WDR54: variants seen among roughly 807,000 people sequenced by gnomAD.
WDR54 encodes the protein WD repeat-containing protein 54.
WDR54 carries 44 observed loss-of-function variants against 44.1 expected under a neutral mutation model. The observed-to-expected ratio is 1.00, with a 90% CI of 0.78 to 1.28. The LOEUF is 1.28. WDR54 is among the 50% of genes most tolerant of loss of function. WDR54 has a pLI of 0.00. For synonymous variants in WDR54, 169 were observed against 169.8 expected (o/e 1.00, Z 0.04); for missense variants, 409 against 429.7 (o/e 0.95, Z 0.43).
At chr2:74,423,593 A>C in intron 5 of WDR54, 62 bp downstream of exon 5, 3 of 1,591,684 alleles carry the variant, frequency 1.9e-6, no homozygotes, top group Non-Finnish European at 1.7e-6. Context: ...GGCCAGGAGA[A>C]TAATGAGGGC....
rs934282014 is a variant in WDR54 at position 74,423,793 on chromosome 2, A to T, written c.407-62A>T. ...TTCTGGGATGGAGTAAGTGTTGAGTATGGTGGCTGGAGACCCAGGAGGGTC... is the reference window on the plus strand; with the variant it reads ...TTCTGGGATGGAGTAAGTGTTGAGTTTGGTGGCTGGAGACCCAGGAGGGTC... On this transcript the variant is annotated intron_variant, in intron 5 of 9. Transcript: ENST00000348227. 4 of 1,595,674 alleles carry T rather than the reference A, an allele frequency of 2.5e-6. No homozygotes were observed. The African/African-American group carries it at 5.4e-5, about 21-fold the overall frequency.
At position 74,422,246 on chromosome 2, in the gene WDR54, C is replaced by T; in HGVS notation, c.93C>T (p.Leu31=). The T allele has an allele frequency of 6.2e-7, 1 of 1,614,212 alleles. No individual in the cohort carries two copies. ...TGCTGCAGCTGCCGGCTCGCAACCT[C>T]ACGTATTTTGGCGTGGTTCATGGAC... The part of the protein sequence containing the change: ...LSVLQLPARN[L]TYFGVVHGPS... Residue 31 remains leucine, a synonymous_variant, in exon 2 of 10, where the codon CTC becomes CTT. Transcript: ENST00000348227.
intron 7 of WDR54, 24 bp from the exon 8 acceptor site, chr2:74,425,051 C>T (rs372667511): frequency 1.2e-6 from 2 of 1,612,268 alleles, no homozygotes; most frequent in African/African-American, 2.7e-5. Flanking sequence ...CTGGGCAAAA[C>T]AAAGTTGGGT....
In WDR54 at chr2:74,423,920, G is replaced by A. The variant is rs61739666; in HGVS notation, c.472G>A (p.Glu158Lys). ...PAKGPNIVLSEELAGHQMPIT... is the reference protein window; with the variant it reads ...PAKGPNIVLSKELAGHQMPIT... Reference sequence around the variant, plus strand: ...AAAGGGTCCCAACATTGTACTGAGCGAGGAGCTGGCTGGGCACCAGATGCC... The same window carrying A: ...AAAGGGTCCCAACATTGTACTGAGCAAGGAGCTGGCTGGGCACCAGATGCC... The change falls in exon 6 of 10, where the codon GAG becomes AAG. Residue 158 changes from glutamate (E) to lysine (K), a missense_variant. Glu to Lys is a moderately conservative substitution (Grantham distance 56). Transcript: ENST00000348227. The A allele has an allele frequency of 6.6e-5, 107 of 1,614,142 alleles. No homozygotes were observed. In the African/African-American group the frequency reaches 1.3e-3, roughly 20 times the overall value.
intron 2 of WDR54, 158 bp downstream of exon 2, chr2:74,422,533 G>C (rs550342684): frequency 2.2e-6 from 2 of 904,116 alleles, no homozygotes; most frequent in Admixed American, 2.9e-5. Context: ...GGTGGCTCAC[G>C]CCTGTAATCC....
intron 7 of WDR54, 33 bp from the exon 8 acceptor site, chr2:74,425,042 T>C: frequency 6.2e-7 from 1 of 1,612,784 alleles, no homozygotes; most frequent in Non-Finnish European, 8.5e-7. Flanking sequence ...GGATTTGATC[T>C]GGGCAAAACA....
chr2:74,424,022 C>T, intron 6 of WDR54, 40 bp downstream of exon 6: 1 of 1,611,612 alleles, frequency 6.2e-7, no homozygotes, highest in South Asian at 1.1e-5. Flanking sequence ...GCCTTCCCCA[C>T]CCTGGGAGGC....
intron 6 of WDR54, among the ~76,000 whole-genome samples, 196 bp from the exon 7 acceptor site, chr2:74,424,679 G>A (rs935412416): frequency 6.6e-6 from 1 of 152,208 alleles, no homozygotes; most frequent in Non-Finnish European, 1.5e-5. Flanking sequence ...AGAAATTCAA[G>A]GAAAGCAGTT....
Position 74,425,164 on chromosome 2 carries a change from G to T in WDR54, c.725G>T (p.Gly242Val). ...GQVHLYEATT[G>V]NLHVQINAHA... ...GTGCATCTATATGAGGCCACTACAG[G>T]AAATCTACATGTCCAGATCAATGCC... The change falls in exon 8 of 10, where the codon GGA (glycine) becomes GTA (valine). Residue 242 changes from glycine (G) to valine (V), a missense_variant. Gly to Val is a moderately radical substitution (Grantham distance 109). Transcript: ENST00000348227. The T allele has an allele frequency of 6.4e-7, 1 of 1,551,712 alleles. No individual in the cohort carries two copies. Among genetic ancestry groups the T allele is most frequent in the Non-Finnish European group, 8.7e-7 (1 of 1,145,184 alleles).
intron 8 of WDR54, 81 bp from the exon 9 acceptor site, chr2:74,425,336 C>G (rs1670327216): frequency 2.5e-6 from 4 of 1,589,466 alleles, no homozygotes; most frequent in Non-Finnish European, 3.4e-6. Flanking sequence ...TAGCCCCCTC[C>G]CCTGGGGCAC....
chr2:74,422,142 C>A lies in WDR54; in HGVS notation c.-1-11C>A. ...TAGCGCGCCTGGTGATTCGGCTGCA[C>A]CCCCACACAGGATGTTCCGCTGGGA... On this transcript the variant is annotated splice_polypyrimidine_tract_variant and intron_variant, in intron 1 of 9. Coordinates refer to ENST00000348227, the MANE Select transcript of WDR54 (RefSeq NM_032118.4). 1 of 1,610,772 alleles carries A rather than the reference C, an allele frequency of 6.2e-7. No homozygotes were observed.
chr2:74,421,985 C>T, intron 1 of WDR54, 168 bp from the exon 2 acceptor site: 1 of 673,992 alleles, frequency 1.5e-6, no homozygotes, highest in African/African-American at 1.8e-5. Context: ...AGCCCTGGGA[C>T]TCCCCTGTCT....
In WDR54 at chr2:74,425,123, C is replaced by CCCTGTATGTCCTG; in HGVS notation, c.684_685insCCTGTATGTCCTG (p.Tyr229ProfsTer14). ...TGTGGCAGGGGATCATAGCAGCAGG[C>CCCTGTATGTCCTG]TATGGGAACGGACAAGTGCATCTAT... On this transcript the variant is annotated frameshift_variant, in exon 8 of 10. Coordinates refer to ENST00000348227, the MANE Select transcript of WDR54 (RefSeq NM_032118.4). LOFTEE classifies it high-confidence loss of function. The CCCTGTATGTCCTG allele has an allele frequency of 6.3e-7, 1 of 1,576,558 alleles. No homozygotes were observed. Among genetic ancestry groups the CCCTGTATGTCCTG allele is most frequent in the Non-Finnish European group, 8.6e-7 (1 of 1,157,410 alleles).
In WDR54 at chr2:74,422,937, G is replaced by T. The variant is rs1259138579; in HGVS notation, c.285+5G>T. On this transcript the variant is annotated splice_donor_5th_base_variant and intron_variant, in intron 3 of 9. Coordinates refer to ENST00000348227, the MANE Select transcript of WDR54 (RefSeq NM_032118.4). ...ACCTCACATCGAGGAATACAGGTAA[G>T]AAGAGGACTCTCCTGCTTGCCCCAC... The T allele has an allele frequency of 1.9e-6, 3 of 1,614,098 alleles. No homozygotes were observed. In the South Asian group the frequency reaches 3.3e-5, roughly 18 times the overall value.
At chr2:74,422,615 C>T in intron 2 of WDR54, 1 of 612,554 alleles carries the variant, frequency 1.6e-6, no homozygotes, top group Non-Finnish European at 2.8e-6. Context: ...CATGGTGAAA[C>T]CTCTTCTCTA....
intron 1 of WDR54, 120 bp downstream of exon 1, chr2:74,421,936 C>T (rs1220278463): frequency 8.7e-5 from 54 of 618,342 alleles, no homozygotes; most frequent in South Asian, 5.8e-4. Context: ...CCTGTGTCAT[C>T]CCCATTCCTC....
At chr2:74,421,872 C>CT in intron 1 of WDR54, 56 bp downstream of exon 1, 1 of 629,070 alleles carries the variant, frequency 1.6e-6, no homozygotes, top group Non-Finnish European at 2.9e-6. Flanking sequence ...GGGAGAAAGC[C>CT]TTGGGGGCTT....
Position 74,423,232 on chromosome 2 carries a change from A to T in WDR54, c.286-87A>T, listed in dbSNP as rs1487897017. 3.0e-5 allele frequency: 45 copies of T among 1,477,996 alleles called. No homozygotes were observed. In the East Asian group the frequency reaches 3.2e-4, roughly 10 times the overall value. The allele number at this position is 1,477,996 out of a possible 1,614,324, so 91.6% of individuals were successfully genotyped here. On this transcript the variant is annotated intron_variant, in intron 3 of 9. Transcript: ENST00000348227. ...ACATCCCAGATTTGTTTTGAGGATT[A>T]AATGGGCTAAGGCTAACACGGATAT...
At position 74,422,143 on chromosome 2, in the gene WDR54, C is replaced by A. The variant is rs200560587; in HGVS notation, c.-1-10C>A. The A allele has an allele frequency of 2.8e-4, 458 of 1,611,030 alleles. 1 individual carries two copies. The Middle Eastern group carries it at 6.2e-3, about 22-fold the overall frequency. Reference sequence around the variant, plus strand: ...AGCGCGCCTGGTGATTCGGCTGCACCCCCACACAGGATGTTCCGCTGGGAG... The same window carrying A: ...AGCGCGCCTGGTGATTCGGCTGCACACCCACACAGGATGTTCCGCTGGGAG... On this transcript the variant is annotated splice_polypyrimidine_tract_variant and intron_variant, in intron 1 of 9. Coordinates refer to ENST00000348227, the MANE Select transcript of WDR54 (RefSeq NM_032118.4).
Sources: allele counts gnomAD v4.1 joint callset (sites outside exome capture counted in the v4.1 genomes callset), GRCh38; gene constraint gnomAD v4.1.1; transcripts MANE v1.5; gene names NCBI Gene and HGNC (gene_info 2026-07-23, HGNC 2026-07-21).